Variants in NKAIN3 observed in about 807,000 individuals in gnomAD.
NKAIN3 encodes the protein sodium/potassium-transporting ATPase subunit beta-1-interacting protein 3.
A neutral mutation model predicts 30.2 loss-of-function variants in NKAIN3; 25 were observed. That is an observed-to-expected ratio of 0.83 (90% CI 0.60 to 1.16). The LOEUF is 1.16. Among genes scored for constraint, NKAIN3 ranks in the 50% most tolerant of loss-of-function variants. The pLI is 0.00. For synonymous variants in NKAIN3, 91 were observed against 89.6 expected (o/e 1.02, Z -0.09); for missense variants, 225 against 254.1 (o/e 0.89, Z 0.78).
At chr8:62,902,114 G>T (rs569709136) in intron 4 of NKAIN3, among the ~76,000 whole-genome samples, 31 of 152,256 alleles carry the variant, frequency 2.0e-4, no homozygotes, top group Non-Finnish European at 5.9e-5. Context: ...GGGGACCTCA[G>T]CTCTCAATGC....
At chr8:62,546,287 T>C (rs1809011409) in intron 1 of NKAIN3, among the ~76,000 whole-genome samples, 2 of 152,138 alleles carry the variant, frequency 1.3e-5, no homozygotes, top group African/African-American at 4.8e-5. Context: ...CTAGGCATGA[T>C]ATTAGAGTAG....
At chr8:62,810,006 A>G (rs1183118188) in intron 4 of NKAIN3, among the ~76,000 whole-genome samples, 1 of 152,166 alleles carries the variant, frequency 6.6e-6, no homozygotes, top group Admixed American at 6.6e-5. Flanking sequence ...CGCATGGTTT[A>G]TGAGGAAATC....
chr8:62,967,734 T>C lies in NKAIN3; in HGVS notation c.*2327T>C, dbSNP rs74450918. ...AAACATCAAAACTGTAGAGAGTCAGTAAAAAAGGATAAAATGAGTATTGAC... is the reference window on the plus strand; with the variant it reads ...AAACATCAAAACTGTAGAGAGTCAGCAAAAAAGGATAAAATGAGTATTGAC... On this transcript the variant is annotated 3_prime_UTR_variant, in exon 7 of 7. Transcript: ENST00000623646. Among the ~76,000 whole-genome samples the C allele has an allele frequency of 1.2e-3, 175 of 146,932 alleles. 2 individuals are homozygous for C. The highest frequency in any genetic ancestry group is 7.9e-3 in the East Asian group (41 of 5,182).
chr8:62,572,357 A>AT (rs1490722346), intron 1 of NKAIN3, among the ~76,000 whole-genome samples: 3 of 152,148 alleles, frequency 2.0e-5, no homozygotes, highest in African/African-American at 7.2e-5. Context: ...CACTATCAGT[A>AT]TTTTTGTCAA....
chr8:62,495,726 C>A (rs1368589917), intron 1 of NKAIN3, among the ~76,000 whole-genome samples: 1 of 151,998 alleles, frequency 6.6e-6, no homozygotes, highest in East Asian at 1.9e-4. Context: ...CTGTGCTAAG[C>A]CATTTATCCA....
intron 1 of NKAIN3, among the ~76,000 whole-genome samples, chr8:62,337,658 T>G (rs1490202288): frequency 3.3e-5 from 5 of 151,988 alleles, no homozygotes; most frequent in Non-Finnish European, 5.9e-5. Flanking sequence ...CACTCACACA[T>G]GCACAGCACG....
chr8:62,814,633 T>C (rs1338394056), intron 4 of NKAIN3, among the ~76,000 whole-genome samples: 2 of 151,788 alleles, frequency 1.3e-5, no homozygotes, highest in Non-Finnish European at 2.9e-5. Flanking sequence ...GAATGACTAC[T>C]GGGTACATAA....
At chr8:62,396,917 A>C (rs575731021) in intron 1 of NKAIN3, among the ~76,000 whole-genome samples, 2 of 152,334 alleles carry the variant, frequency 1.3e-5, no homozygotes, top group African/African-American at 4.8e-5. Flanking sequence ...GTTTATCATC[A>C]GAGGGAAAAA....
At chr8:62,867,009 T>A (rs1056607980) in intron 4 of NKAIN3, among the ~76,000 whole-genome samples, 7 of 149,212 alleles carry the variant, frequency 4.7e-5, no homozygotes, top group African/African-American at 1.5e-4. Context: ...GAGCCGAGAT[T>A]GCGCCACTGC....
chr8:62,285,718 CA>C (rs1813360102), intron 1 of NKAIN3, among the ~76,000 whole-genome samples: 1 of 152,152 alleles, frequency 6.6e-6, no homozygotes, highest in South Asian at 2.1e-4. Context: ...CCACTCTGTC[CA>C]ATCCCTTTTT....
chr8:62,491,215 G>A (rs1176961617), intron 1 of NKAIN3, among the ~76,000 whole-genome samples: 1 of 152,034 alleles, frequency 6.6e-6, no homozygotes, highest in Non-Finnish European at 1.5e-5. Flanking sequence ...CTAAGAAGTG[G>A]ACCTCTAATC....
chr8:62,908,657 T>C (rs1821849730), intron 4 of NKAIN3, among the ~76,000 whole-genome samples: 2 of 152,174 alleles, frequency 1.3e-5, no homozygotes, highest in Non-Finnish European at 2.9e-5. Flanking sequence ...CACACTCTCT[T>C]GCCTCCCACC....
At chr8:62,495,517 C>A (rs549338185) in intron 1 of NKAIN3, among the ~76,000 whole-genome samples, 22 of 150,016 alleles carry the variant, frequency 1.5e-4, no homozygotes, top group Admixed American at 1.3e-3. Flanking sequence ...AGTAGACCTG[C>A]TGTCTGCTCT....
At chr8:62,908,687 C>G (rs1030997273) in intron 4 of NKAIN3, among the ~76,000 whole-genome samples, 1 of 152,262 alleles carries the variant, frequency 6.6e-6, no homozygotes, top group East Asian at 1.9e-4. Context: ...ATGACTTTTC[C>G]CCACCTTTGC....
intron 1 of NKAIN3, among the ~76,000 whole-genome samples, chr8:62,272,368 C>T (rs1812805773): frequency 6.6e-6 from 1 of 152,032 alleles, no homozygotes; most frequent in African/African-American, 2.4e-5. Flanking sequence ...ATGCTAACGC[C>T]AGTGATGAAC....
intron 1 of NKAIN3, among the ~76,000 whole-genome samples, chr8:62,420,299 AC>A (rs1804593042): frequency 6.6e-6 from 1 of 152,204 alleles, no homozygotes; most frequent in Non-Finnish European, 1.5e-5. Context: ...ACAATGGACT[AC>A]TGCTATTCTC....
chr8:62,826,789 T>C (rs1233439016), intron 4 of NKAIN3, among the ~76,000 whole-genome samples: 1 of 152,200 alleles, frequency 6.6e-6, no homozygotes, highest in African/African-American at 2.4e-5. Flanking sequence ...CTCCTTGTAC[T>C]GTAGCTAGGA....
intron 1 of NKAIN3, among the ~76,000 whole-genome samples, chr8:62,251,507 A>G (rs1349303435): frequency 2.6e-5 from 4 of 152,174 alleles, no homozygotes; most frequent in Non-Finnish European, 5.9e-5. Context: ...TGTATGCTTT[A>G]AGAAAAAAGA....
At chr8:62,508,058 T>C (rs1238166249) in intron 1 of NKAIN3, among the ~76,000 whole-genome samples, 1 of 152,206 alleles carries the variant, frequency 6.6e-6, no homozygotes, top group East Asian at 1.9e-4. Flanking sequence ...GAAGGTGATA[T>C]GTTATTCCTT....
Sources: allele counts gnomAD v4.1 joint callset (sites outside exome capture counted in the v4.1 genomes callset), GRCh38; gene constraint gnomAD v4.1.1; transcripts MANE v1.5; gene names NCBI Gene and HGNC (gene_info 2026-07-23, HGNC 2026-07-21).